The following CHKA variants were observed in gnomAD, a reference collection of about 807,000 sequenced individuals.
The protein encoded by CHKA is choline kinase alpha.
CHKA carries 34 observed loss-of-function variants against 60.1 expected under a neutral mutation model. The observed-to-expected ratio is 0.57, with a 90% CI of 0.43 to 0.75. The LOEUF (loss-of-function observed/expected upper bound fraction) is 0.75. CHKA is among the 30% of genes least tolerant of loss of function. The pLI is 0.00. For missense variants in CHKA, 563 were observed against 561.3 expected, an observed-to-expected ratio of 1.00 and a Z score of -0.03; for synonymous variants, 217 against 223.1, an observed-to-expected ratio of 0.97 and a Z score of 0.24.
chr11:68,062,875 G>A (rs536002416), intron 10 of CHKA, among the ~76,000 whole-genome samples: 19 of 152,276 alleles, frequency 1.2e-4, no homozygotes, highest in Non-Finnish European at 2.6e-4. Context: ...TGTTGGGGGT[G>A]AGCACTCTGG....
intron 1 of CHKA, 56 bp downstream of exon 1, chr11:68,120,755 TGCCCGGACCCCGCCCCG>T (rs1858604663): frequency 1.1e-5 from 1 of 88,270 alleles, no homozygotes; most frequent in African/African-American, 9.8e-5. Flanking sequence ...CCACGCCCCC[TGCCCGGACCCCGCCCCG>T]GCCCCGCCCC....
At chr11:68,105,364 A>C (rs1857873194) in intron 1 of CHKA, among the ~76,000 whole-genome samples, 1 of 151,310 alleles carries the variant, frequency 6.6e-6, no homozygotes, top group Non-Finnish European at 1.5e-5. Context: ...AAAATACAAA[A>C]ATTAGCTGGG....
rs1856544170 is a variant in CHKA, at chr11:68,069,408, T to C, written c.870-471A>G. ...AATTAAAGGTGTAAATACTTGTGGC[T>C]GGGTGTGGTGGCTCGCGCCTGTAAT... is the stretch of plus-strand genomic sequence containing the variant. On this transcript the variant is annotated intron_variant, in intron 6 of 11. Coordinates refer to ENST00000265689, the MANE Select transcript of CHKA (RefSeq NM_001277.3). Among the ~76,000 whole-genome samples, 3 of 152,128 alleles carry C rather than the reference T, an allele frequency of 2.0e-5. No individual in the cohort carries two copies. The South Asian group carries it at 6.2e-4, about 32-fold the overall frequency.
chr11:68,074,645 G>A, intron 4 of CHKA, 72 bp downstream of exon 4: 2 of 1,293,354 alleles, frequency 1.5e-6, no homozygotes, highest in South Asian at 2.4e-5. Flanking sequence ...GCAGGTTCTT[G>A]CAGCAATGAG....
At chr11:68,113,723 G>A (rs938902916) in intron 1 of CHKA, among the ~76,000 whole-genome samples, 1 of 151,712 alleles carries the variant, frequency 6.6e-6, no homozygotes, top group Admixed American at 6.6e-5. Flanking sequence ...AGCCAGGCGC[G>A]ATGGCTCATG....
chr11:68,096,439 T>TAAA (rs1299472856), intron 2 of CHKA, among the ~76,000 whole-genome samples: 79 of 152,156 alleles, frequency 5.2e-4, no homozygotes, highest in African/African-American at 1.9e-3. Context: ...ATAATAATAA[T>TAAA]AAACCCAGAC....
intron 2 of CHKA, among the ~76,000 whole-genome samples, chr11:68,095,844 C>G (rs796421248): frequency 1.3e-5 from 2 of 150,700 alleles, no homozygotes; most frequent in South Asian, 4.2e-4. Flanking sequence ...AAGTTTGAGA[C>G]CAGCCTGGCC....
At chr11:68,090,236 A>C (rs1857306265) in intron 2 of CHKA, among the ~76,000 whole-genome samples, 3 of 152,220 alleles carry the variant, frequency 2.0e-5, no homozygotes, top group Non-Finnish European at 4.4e-5. Context: ...AACGCACAAC[A>C]CTAGAAAAAT....
chr11:68,083,867 T>C (rs1223866201), intron 2 of CHKA, among the ~76,000 whole-genome samples: 1 of 152,134 alleles, frequency 6.6e-6, no homozygotes. Context: ...AAATAAGAAG[T>C]GTAAGACGAG....
chr11:68,110,663 C>T (rs1264742403), intron 1 of CHKA, among the ~76,000 whole-genome samples: 2 of 152,040 alleles, frequency 1.3e-5, no homozygotes, highest in Non-Finnish European at 2.9e-5. Flanking sequence ...CAATGAAAAC[C>T]CCAGCAAGTT....
At chr11:68,083,412 A>C (rs571712820) in intron 2 of CHKA, among the ~76,000 whole-genome samples, 1 of 152,324 alleles carries the variant, frequency 6.6e-6, no homozygotes, top group East Asian at 1.9e-4. Flanking sequence ...AATACTTTGC[A>C]GTATAAGCTT....
chr11:68,090,830 C>A (rs931432490), intron 2 of CHKA, among the ~76,000 whole-genome samples: 1 of 152,114 alleles, frequency 6.6e-6, no homozygotes, highest in African/African-American at 2.4e-5. Flanking sequence ...CCTGTGAGAC[C>A]GCTCATAACG....
At chr11:68,068,292 TA>T (rs574322021) in intron 7 of CHKA, among the ~76,000 whole-genome samples, 4 of 151,368 alleles carry the variant, frequency 2.6e-5, no homozygotes, top group Non-Finnish European at 5.9e-5. Flanking sequence ...TTTTTCAGGT[TA>T]AAAAAAAATC....
At chr11:68,078,821 G>C (rs1036037950) in intron 3 of CHKA, among the ~76,000 whole-genome samples, 1 of 152,004 alleles carries the variant, frequency 6.6e-6, no homozygotes, top group Non-Finnish European at 1.5e-5. Context: ...AAGAGAAATA[G>C]CCAATGCAAT....
chr11:68,096,579 T>G (rs1003157590), intron 2 of CHKA, among the ~76,000 whole-genome samples: 5 of 152,188 alleles, frequency 3.3e-5, no homozygotes, highest in African/African-American at 7.2e-5. Context: ...AGAGAAACAG[T>G]TATTAAATTC....
intron 11 of CHKA, among the ~76,000 whole-genome samples, chr11:68,056,637 C>G (rs1184005950): frequency 1.3e-5 from 2 of 152,122 alleles, no homozygotes; most frequent in African/African-American, 4.8e-5. Context: ...GTTCCCCAAC[C>G]CACCCACAGG....
chr11:68,113,836 C>T (rs1858275147), intron 1 of CHKA, among the ~76,000 whole-genome samples: 1 of 151,786 alleles, frequency 6.6e-6, no homozygotes, highest in Non-Finnish European at 1.5e-5. Context: ...CTCTAAATAC[C>T]AAAAATTAGC....
intron 2 of CHKA, among the ~76,000 whole-genome samples, chr11:68,096,598 T>C (rs967003033): frequency 1.1e-4 from 17 of 152,040 alleles, no homozygotes; most frequent in Admixed American, 9.2e-4. Context: ...TCAGCTTCGT[T>C]GAGATCATAC....
At chr11:68,085,901 T>C (rs1252013284) in intron 2 of CHKA, among the ~76,000 whole-genome samples, 1 of 152,092 alleles carries the variant, frequency 6.6e-6, no homozygotes, top group Non-Finnish European at 1.5e-5. Flanking sequence ...ATAGTTGGGA[T>C]TACAGGTGTG....
Sources: allele counts gnomAD v4.1 joint callset (sites outside exome capture counted in the v4.1 genomes callset), GRCh38; gene constraint gnomAD v4.1.1; transcripts MANE v1.5; gene names NCBI Gene and HGNC (gene_info 2026-07-23, HGNC 2026-07-21).